The following PRRX2 variants were observed in gnomAD, a reference collection of about 807,000 sequenced individuals.
PRRX2 encodes the protein paired mesoderm homeobox protein 2.
In PRRX2, 11 loss-of-function variants were observed where a neutral mutation model predicts 18.0. That is an observed-to-expected ratio of 0.61 (90% CI 0.39 to 1.01). PRRX2 has a LOEUF of 1.01. Among genes scored for constraint, PRRX2 ranks in the 50% least tolerant of loss-of-function variants. The pLI is 0.01. For missense variants in PRRX2, 387 were observed against 351.0 expected, an observed-to-expected ratio of 1.10 and a Z score of -0.82; for synonymous variants, 177 against 154.8, an observed-to-expected ratio of 1.14 and a Z score of -1.06.
chr9:129,707,503 T>G (rs547761685), intron 1 of PRRX2, among the ~76,000 whole-genome samples: 1 of 152,170 alleles, frequency 6.6e-6, no homozygotes, highest in Admixed American at 6.5e-5. Flanking sequence ...AATGCTGCTA[T>G]GGCCGGGCGC....
rs932408292 is a variant in PRRX2, at chr9:129,673,966, T to C, written c.259+7840T>C. Among the ~76,000 whole-genome samples, 17 of 152,160 alleles carry C rather than the reference T, an allele frequency of 1.1e-4. No individual in the cohort carries two copies. The South Asian group carries it at 1.2e-3, about 11-fold the overall frequency. On this transcript the variant is annotated intron_variant, in intron 1 of 3. Coordinates refer to ENST00000372469, the MANE Select transcript of PRRX2 (RefSeq NM_016307.4). Reference sequence around the variant, plus strand: ...GCATCCCGCAGGTAGGGAGGTGACGTGGGGCAGGGGGGCAGGTGGCAGAGC... The same window carrying C: ...GCATCCCGCAGGTAGGGAGGTGACGCGGGGCAGGGGGGCAGGTGGCAGAGC...
intron 1 of PRRX2, among the ~76,000 whole-genome samples, chr9:129,691,623 C>T (rs1832361772): frequency 6.6e-6 from 1 of 152,016 alleles, no homozygotes; most frequent in Non-Finnish European, 1.5e-5. Context: ...ATCTCCTCCC[C>T]CACAGAGAGC....
chr9:129,684,693 G>A (rs777290748), intron 1 of PRRX2, among the ~76,000 whole-genome samples: 2 of 152,124 alleles, frequency 1.3e-5, no homozygotes, highest in South Asian at 2.1e-4. Context: ...CCTCTGGGAC[G>A]GGGAATGTAG....
intron 1 of PRRX2, among the ~76,000 whole-genome samples, chr9:129,700,685 G>A (rs1489755168): frequency 3.3e-5 from 5 of 151,874 alleles, no homozygotes; most frequent in African/African-American, 1.2e-4. Flanking sequence ...TGGCACAATT[G>A]TGGCTCACTG....
chr9:129,679,912 G>A lies in PRRX2; in HGVS notation c.259+13786G>A, dbSNP rs138578315. 3.5e-3 allele frequency among the ~76,000 whole-genome samples: 537 copies of A among 152,270 alleles called. 5 individuals are homozygous for A. The highest frequency in any genetic ancestry group is 5.4e-3 in the Non-Finnish European group (365 of 68,012). On this transcript the variant is annotated intron_variant, in intron 1 of 3. Coordinates refer to ENST00000372469, the MANE Select transcript of PRRX2 (RefSeq NM_016307.4). ...CTGGGGAGTGGCCCGGCTCTGCTGT[G>A]GAGATTCTGGCCCAACCTCAGCTCC... is the stretch of plus-strand genomic sequence containing the variant.
chr9:129,716,454 CTT>C (rs71497484), intron 1 of PRRX2, among the ~76,000 whole-genome samples: 3,775 of 137,050 alleles, frequency 0.028, 58 homozygotes, highest in Middle Eastern at 0.081. Context: ...TGCTTTCTTT[CTT>C]TTTTTTTTTT....
rs370690090 is a variant in PRRX2 at position 129,715,331 on chromosome 9, C to G, written c.260-3900C>G. 6.6e-6 allele frequency among the ~76,000 whole-genome samples: 1 copy of G among 152,096 alleles called. No homozygotes were observed. Among genetic ancestry groups the G allele is most frequent in the Non-Finnish European group, 1.5e-5 (1 of 68,032 alleles). On this transcript the variant is annotated intron_variant, in intron 1 of 3. Transcript: ENST00000372469. The surrounding 1 kb of genome is among the most constrained non-coding windows in gnomAD (Gnocchi z 4.0). ...TTTAGCAAGGCCAAGCATGGTGGCTCGTGCCTGTAATCCCAGTACTTTGGG... is the reference window on the plus strand; with the variant it reads ...TTTAGCAAGGCCAAGCATGGTGGCTGGTGCCTGTAATCCCAGTACTTTGGG...
rs1244699929 is a variant in PRRX2, at chr9:129,665,951, C to G, written c.84C>G (p.Pro28=). Residue 28 remains proline, a synonymous_variant, in exon 1 of 4, where the codon CCC becomes CCG. Coordinates refer to ENST00000372469, the MANE Select transcript of PRRX2 (RefSeq NM_016307.4). This position sits in a 1 kb window ranked among gnomAD's most constrained non-coding sequence, Gnocchi z 5.3. ...GPPPPPPALG[P]GDCAQARKNF... ...CGCCGCCTCCACCCGCGCTGGGGCC[C>G]GGCGACTGCGCCCAGGCGCGCAAGA... The G allele has an allele frequency of 5.3e-6, 6 of 1,135,902 alleles. No individual in the cohort carries two copies. Among genetic ancestry groups the G allele is most frequent in the Non-Finnish European group, 6.5e-6 (6 of 921,204 alleles). The allele number at this position is 1,135,902 out of a possible 1,614,324, so 70.4% of individuals were successfully genotyped here. A position where few individuals can be genotyped will look rare whatever the true frequency, so the allele number is the denominator to read the frequency against.
At chr9:129,716,296 A>G (rs927512550) in intron 1 of PRRX2, among the ~76,000 whole-genome samples, 7 of 152,172 alleles carry the variant, frequency 4.6e-5, no homozygotes, top group East Asian at 3.8e-4. Flanking sequence ...ATGCCCATCA[A>G]TAGGGCTCTG....
chr9:129,704,130 G>A (rs1832531631), intron 1 of PRRX2, among the ~76,000 whole-genome samples: 2 of 152,224 alleles, frequency 1.3e-5, no homozygotes, highest in South Asian at 4.1e-4. Flanking sequence ...GCACGCCTGT[G>A]TTTTTCTAGG....
intron 1 of PRRX2, among the ~76,000 whole-genome samples, chr9:129,698,320 G>GT (rs1387446834): frequency 2.0e-5 from 3 of 149,178 alleles, no homozygotes; most frequent in Admixed American, 1.3e-4. Flanking sequence ...AAAAGGAAGC[G>GT]TAAGACCAGG....
intron 1 of PRRX2, among the ~76,000 whole-genome samples, chr9:129,714,648 C>T (rs1221915154): frequency 1.3e-5 from 2 of 152,138 alleles, no homozygotes; most frequent in Non-Finnish European, 2.9e-5. Flanking sequence ...GGGTAAATGC[C>T]TCTGCATGAG....
At chr9:129,698,465 G>C (rs1013158856) in intron 1 of PRRX2, among the ~76,000 whole-genome samples, 2 of 152,186 alleles carry the variant, frequency 1.3e-5, no homozygotes, top group African/African-American at 4.8e-5. Context: ...ATCGGGAGGA[G>C]GGTGTTTGGT....
intron 1 of PRRX2, among the ~76,000 whole-genome samples, chr9:129,711,661 G>A (rs1270698812): frequency 1.3e-5 from 2 of 151,840 alleles, no homozygotes; most frequent in Non-Finnish European, 2.9e-5. Flanking sequence ...CACTCGCCTC[G>A]GCCTCCCAAA....
chr9:129,719,227 G>A lies in PRRX2; in HGVS notation c.260-4G>A. 3 of 1,577,672 alleles carry A rather than the reference G, an allele frequency of 1.9e-6. No homozygotes were observed. Among genetic ancestry groups the A allele is most frequent in the Admixed American group, 1.8e-5 (1 of 56,136 alleles). On this transcript the variant is annotated splice_polypyrimidine_tract_variant and splice_region_variant and intron_variant, in intron 1 of 3. Coordinates refer to ENST00000372469, the MANE Select transcript of PRRX2 (RefSeq NM_016307.4). ...TGACCATCCCGCCCCCCCAACCTCC[G>A]CAGGTGAGTGTCCCAGCCCGGGGCG...
At position 129,710,265 on chromosome 9, in the gene PRRX2, G is replaced by A. The variant is rs542892761; in HGVS notation, c.260-8966G>A. 1.8e-4 allele frequency among the ~76,000 whole-genome samples: 27 copies of A among 152,290 alleles called. 1 individual carries two copies. In the South Asian group the frequency reaches 5.0e-3, roughly 28 times the overall value. The stretch of plus-strand genomic sequence containing the variant: ...GGAACAGCGGCCGGGCAGCCCTGAG[G>A]CCACCTGCCCTGGCTCTGCCTACTG... On this transcript the variant is annotated intron_variant, in intron 1 of 3. Transcript: ENST00000372469.
chr9:129,668,090 A>G lies in PRRX2; in HGVS notation c.259+1964A>G, dbSNP rs1208955641. Among the ~76,000 whole-genome samples, 4 of 152,142 alleles carry G rather than the reference A, an allele frequency of 2.6e-5. No homozygotes were observed. The East Asian group carries it at 7.7e-4, about 29-fold the overall frequency. ...TGAGGACGATGGAGCCCTGGCAGGGAGAGTCCCTGGGCTCCGCCCGGGGTG... is the reference window on the plus strand; with the variant it reads ...TGAGGACGATGGAGCCCTGGCAGGGGGAGTCCCTGGGCTCCGCCCGGGGTG... On this transcript the variant is annotated intron_variant, in intron 1 of 3. Coordinates refer to ENST00000372469, the MANE Select transcript of PRRX2 (RefSeq NM_016307.4).
intron 3 of PRRX2, among the ~76,000 whole-genome samples, chr9:129,721,010 G>T (rs76184841): frequency 6.6e-6 from 1 of 152,056 alleles, no homozygotes; most frequent in African/African-American, 2.4e-5. Flanking sequence ...CGTACATGTG[G>T]GCACACATGA....
intron 1 of PRRX2, among the ~76,000 whole-genome samples, chr9:129,691,038 T>C (rs1832354396): frequency 6.6e-6 from 1 of 151,938 alleles, no homozygotes; most frequent in African/African-American, 2.4e-5. Context: ...TTATTAAAAA[T>C]TAAGGCCCGG....
Sources: gnomAD v4.1 joint callset for allele counts (sites outside exome capture counted in the v4.1 genomes callset) on GRCh38, gnomAD v4.1.1 for gene constraint, Gnocchi (gnomAD v3.1) non-coding constraint, MANE v1.5 for transcripts, NCBI Gene and HGNC (gene_info 2026-07-23, HGNC 2026-07-21) for gene names.